DTNA: variants seen among roughly 807,000 people sequenced by gnomAD.
The protein encoded by DTNA is dystrobrevin alpha.
DTNA carries 43 observed loss-of-function variants against 100.7 expected under a neutral mutation model. The observed-to-expected ratio is 0.43, with a 90% CI of 0.33 to 0.55. DTNA has a LOEUF of 0.55. Among genes scored for constraint, DTNA ranks in the 20% least tolerant of loss-of-function variants. DTNA has a pLI of 0.04. For missense variants in DTNA, 798 were observed against 953.9 expected (o/e 0.84, Z 2.15); for synonymous variants, 349 against 347.9 (o/e 1.00, Z -0.04).
chr18:34,884,365 T>C (rs1178899621), intron 21 of DTNA, among the ~76,000 whole-genome samples: 2 of 152,224 alleles, frequency 1.3e-5, no homozygotes, highest in Non-Finnish European at 2.9e-5. Flanking sequence ...GAATTTCTAC[T>C]AATGACTTAA....
At chr18:34,675,670 A>T (rs1484110598) in intron 1 of DTNA, among the ~76,000 whole-genome samples, 1 of 152,212 alleles carries the variant, frequency 6.6e-6, no homozygotes, top group Non-Finnish European at 1.5e-5. Context: ...TAAGGTATGT[A>T]TAAATAAAAT....
intron 1 of DTNA, among the ~76,000 whole-genome samples, chr18:34,502,864 A>G (rs1601180180): frequency 6.6e-6 from 1 of 152,148 alleles, no homozygotes; most frequent in East Asian, 1.9e-4. Flanking sequence ...ATAAATGCTG[A>G]TTAAGTCATG....
chr18:34,774,842 C>G (rs943548705), intron 3 of DTNA, among the ~76,000 whole-genome samples: 3 of 152,314 alleles, frequency 2.0e-5, no homozygotes, highest in African/African-American at 7.2e-5. Context: ...CAAGACTCAT[C>G]AAGTTTCTCA....
intron 15 of DTNA, among the ~76,000 whole-genome samples, chr18:34,852,480 CCAG>C (rs1481701493): frequency 2.0e-5 from 3 of 152,204 alleles, no homozygotes; most frequent in Non-Finnish European, 4.4e-5. Context: ...CAAAAATTGT[CCAG>C]CTCATCTCCA....
At chr18:34,873,254 A>G (rs1187772838) in intron 17 of DTNA, among the ~76,000 whole-genome samples, 1 of 152,176 alleles carries the variant, frequency 6.6e-6, no homozygotes, top group Non-Finnish European at 1.5e-5. Context: ...GTTCCCAGGG[A>G]TGAGACGGTA....
chr18:34,800,734 G>T (rs962394753), intron 4 of DTNA, among the ~76,000 whole-genome samples: 1 of 152,186 alleles, frequency 6.6e-6, no homozygotes, highest in Non-Finnish European at 1.5e-5. Flanking sequence ...TTACTTAAAA[G>T]AACTTCAAGT....
intron 1 of DTNA, among the ~76,000 whole-genome samples, chr18:34,690,433 C>G (rs1482277063): frequency 6.6e-6 from 1 of 152,154 alleles, no homozygotes; most frequent in East Asian, 1.9e-4. Flanking sequence ...AATGCCCCAC[C>G]CTGCTTCGGC....
At chr18:34,840,643 G>A (rs971411738) in intron 13 of DTNA, among the ~76,000 whole-genome samples, 3 of 152,094 alleles carry the variant, frequency 2.0e-5, no homozygotes, top group Non-Finnish European at 2.9e-5. Context: ...GGTTACTTAA[G>A]ACCATAAATC....
intron 3 of DTNA, among the ~76,000 whole-genome samples, chr18:34,771,372 G>A (rs908236368): frequency 1.3e-5 from 2 of 151,992 alleles, no homozygotes; most frequent in Non-Finnish European, 2.9e-5. Context: ...GGTGGCGGGC[G>A]CCTGCAGTCC....
At chr18:34,759,444 A>G (rs1420590640) in intron 2 of DTNA, among the ~76,000 whole-genome samples, 1 of 152,134 alleles carries the variant, frequency 6.6e-6, no homozygotes, top group Non-Finnish European at 1.5e-5. Context: ...CTTCAAATCC[A>G]TTCCCCTTAG....
intron 11 of DTNA, among the ~76,000 whole-genome samples, chr18:34,837,142 A>G (rs1033915550): frequency 1.3e-5 from 2 of 152,110 alleles, no homozygotes; most frequent in South Asian, 2.1e-4. Context: ...CAGACAATTT[A>G]TTTTTCTATT....
In DTNA at chr18:34,827,627, C is replaced by A; in HGVS notation, c.1036C>A (p.Leu346Met). Residue 346 changes from leucine (L) to methionine (M), a missense_variant, in exon 10 of 23, where the codon CTG becomes ATG. Leu to Met is a conservative substitution (Grantham distance 15, BLOSUM62 2). This residue lies in a region of DTNA where 93 missense variants were observed against 90.5 expected (regional missense o/e 1.03). Transcript: ENST00000444659. ...PRPVTSMNDT[L>M]FSHSVPSSGS... is the part of the protein sequence containing the mutation. ...ACCTGTAACCAGCATGAACGACACCCTGTTCTCCCACTCTGTTCCCTCCTC... is the reference window on the plus strand; with the variant it reads ...ACCTGTAACCAGCATGAACGACACCATGTTCTCCCACTCTGTTCCCTCCTC... 1 of 1,613,942 alleles carries A rather than the reference C, an allele frequency of 6.2e-7. No homozygotes were observed. The highest frequency in any genetic ancestry group is 8.5e-7 in the Non-Finnish European group (1 of 1,179,834).
At chr18:34,607,764 G>A (rs2147389166) in intron 1 of DTNA, among the ~76,000 whole-genome samples, 1 of 152,250 alleles carries the variant, frequency 6.6e-6, no homozygotes, top group East Asian at 1.9e-4. Context: ...AAAGTTCTGG[G>A]TTTTGCTGGA....
chr18:34,649,366 G>C (rs1336411256), intron 1 of DTNA, among the ~76,000 whole-genome samples: 1 of 152,148 alleles, frequency 6.6e-6, no homozygotes, highest in Non-Finnish European at 1.5e-5. Context: ...TGCTGTGAGG[G>C]ACTGGTGAAT....
upstream of DTNA, among the ~76,000 whole-genome samples, chr18:34,706,988 T>C (rs1228424103): frequency 2.0e-5 from 3 of 152,194 alleles, no homozygotes; most frequent in African/African-American, 7.2e-5. Context: ...TAAAGCACTT[T>C]GTGGTATGAA....
intron 1 of DTNA, among the ~76,000 whole-genome samples, chr18:34,649,850 A>G (rs2060249292): frequency 2.0e-5 from 3 of 152,226 alleles, no homozygotes; most frequent in South Asian, 4.1e-4. Flanking sequence ...CTTCAAGATT[A>G]TGCTATACGT....
chr18:34,745,597 T>C (rs1172754290), intron 1 of DTNA, among the ~76,000 whole-genome samples: 1 of 152,186 alleles, frequency 6.6e-6, no homozygotes, highest in African/African-American at 2.4e-5. Flanking sequence ...TCCTAGTGCA[T>C]GAGGAGCGCA....
intron 6 of DTNA, among the ~76,000 whole-genome samples, chr18:34,814,319 T>G (rs1216712761): frequency 3.3e-5 from 5 of 152,094 alleles, no homozygotes; most frequent in Non-Finnish European, 7.4e-5. Flanking sequence ...AATTGGTAAA[T>G]GTGCTAATGC....
intron 7 of DTNA, among the ~76,000 whole-genome samples, chr18:34,817,543 A>T (rs1418978891): frequency 6.6e-6 from 1 of 151,998 alleles, no homozygotes. Context: ...GATAATTTGC[A>T]CATCTTTTTT....
Sources: gnomAD v4.1 joint callset for allele counts (sites outside exome capture counted in the v4.1 genomes callset) on GRCh38, gnomAD v4.1.1 for gene constraint, gnomAD v4.1.1 regional missense constraint, MANE v1.5 for transcripts, NCBI Gene and HGNC (gene_info 2026-07-23, HGNC 2026-07-21) for gene names.